The following ERP44 variants were observed in gnomAD, a reference collection of about 807,000 sequenced individuals.
The protein encoded by ERP44 is endoplasmic reticulum protein 44.
In ERP44, 25 loss-of-function variants were observed where a neutral mutation model predicts 53.4. That is an observed-to-expected ratio of 0.47 (90% confidence interval 0.34 to 0.65). ERP44 has a LOEUF of 0.65. ERP44 is among the 30% of genes least tolerant of loss of function. ERP44 has a pLI of 0.01. For missense variants in ERP44, 338 were observed against 493.2 expected (o/e 0.69, Z 2.98); for synonymous variants, 145 against 161.2 (o/e 0.90, Z 0.76).
intron 8 of ERP44, among the ~76,000 whole-genome samples, chr9:100,014,789 C>T (rs1299994709): frequency 6.6e-6 from 1 of 152,192 alleles, no homozygotes; most frequent in Non-Finnish European, 1.5e-5. Context: ...AACATACTTA[C>T]TATCTGACCC....
intron 1 of ERP44, among the ~76,000 whole-genome samples, chr9:100,063,482 C>T (rs531459008): frequency 7.6e-4 from 116 of 152,226 alleles, no homozygotes; most frequent in African/African-American, 2.5e-3. Context: ...CAGCCCTGGG[C>T]AGCAACAAGA....
chr9:100,012,996 G>A (rs1335465760), intron 8 of ERP44, among the ~76,000 whole-genome samples: 1 of 152,094 alleles, frequency 6.6e-6, no homozygotes, highest in Non-Finnish European at 1.5e-5. Context: ...AATACCCCAA[G>A]AATGCATTCT....
intron 8 of ERP44, among the ~76,000 whole-genome samples, chr9:100,010,901 CAA>C (rs200594567): frequency 1.4e-3 from 159 of 117,710 alleles, no homozygotes; most frequent in Non-Finnish European, 2.3e-3. Context: ...AACTCCATCT[CAA>C]AAAAAAAAAA....
rs980473289 is a variant in ERP44, at chr9:100,067,615, C to T, written c.58-7443G>A. ...TGCAGCCTCTGCCCGGCCGCCACCC[C>T]GTCTGGGAAGTGAGGAGCGTCTCTG... On this transcript the variant is annotated intron_variant, in intron 1 of 11. Coordinates refer to ENST00000262455, the MANE Select transcript of ERP44 (RefSeq NM_015051.3). 7.9e-5 allele frequency among the ~76,000 whole-genome samples: 12 copies of T among 152,174 alleles called. No individual in the cohort carries two copies. In the East Asian group the frequency reaches 1.7e-3, roughly 22 times the overall value.
chr9:100,021,272 CA>C (rs1830585857), intron 5 of ERP44, among the ~76,000 whole-genome samples: 1 of 152,184 alleles, frequency 6.6e-6, no homozygotes, highest in Non-Finnish European at 1.5e-5. Flanking sequence ...GTGAGTTCCC[CA>C]AGCCCAGTGT....
At chr9:100,065,486 A>AC (rs1826201639) in intron 1 of ERP44, among the ~76,000 whole-genome samples, 1 of 152,178 alleles carries the variant, frequency 6.6e-6, no homozygotes, top group Non-Finnish European at 1.5e-5. Context: ...TATTCTCACA[A>AC]CAAAAAAAAA....
intron 11 of ERP44, among the ~76,000 whole-genome samples, chr9:99,983,610 T>C (rs757424908): frequency 1.3e-5 from 2 of 150,412 alleles, no homozygotes; most frequent in Non-Finnish European, 3.0e-5. Flanking sequence ...TATTTCCAAA[T>C]TGTGACCTCA....
At chr9:100,025,804 CTG>C (rs1830644842) in intron 4 of ERP44, among the ~76,000 whole-genome samples, 1 of 151,948 alleles carries the variant, frequency 6.6e-6, no homozygotes, top group African/African-American at 2.4e-5. Flanking sequence ...TAATAAAAGA[CTG>C]TAAAGGAAGA....
At chr9:99,992,011 T>C (rs1225796801) in intron 10 of ERP44, among the ~76,000 whole-genome samples, 1 of 152,044 alleles carries the variant, frequency 6.6e-6, no homozygotes, top group African/African-American at 2.4e-5. Context: ...GCTCTGAAAT[T>C]GAGGCAATAA....
intron 1 of ERP44, among the ~76,000 whole-genome samples, chr9:100,061,553 T>C (rs980315637): frequency 2.0e-5 from 3 of 147,184 alleles, no homozygotes; most frequent in Non-Finnish European, 4.5e-5. Flanking sequence ...AACGTATATA[T>C]TTATAGAAAC....
At chr9:100,096,398 AAT>A (rs1442435258) in intron 1 of ERP44, among the ~76,000 whole-genome samples, 2 of 151,594 alleles carry the variant, frequency 1.3e-5, no homozygotes, top group Non-Finnish European at 2.9e-5. Context: ...GACGCAAATA[AAT>A]ATATATATAA....
chr9:100,090,312 G>A (rs773330041), intron 1 of ERP44, among the ~76,000 whole-genome samples: 1 of 152,170 alleles, frequency 6.6e-6, no homozygotes, highest in Non-Finnish European at 1.5e-5. Context: ...AGGATGTGCA[G>A]GTTTCTTCTC....
At chr9:99,998,786 TCTC>T in intron 10 of ERP44, 2 of 887,778 alleles carry the variant, frequency 2.3e-6, no homozygotes, top group African/African-American at 3.4e-5. Context: ...CCTCCGTTCT[TCTC>T]GCTTCTCTTC....
rs565107860 is a variant in ERP44, at chr9:100,006,228, T to C, written c.1016+278A>G. Among the ~76,000 whole-genome samples the C allele has an allele frequency of 7.9e-5, 12 of 152,334 alleles. No homozygotes were observed. The East Asian group carries it at 1.9e-3, about 24-fold the overall frequency. On this transcript the variant is annotated intron_variant, in intron 10 of 11. Transcript: ENST00000262455. The stretch of plus-strand genomic sequence containing the variant: ...TTTCTCACAAGACAAAAATTTTCTT[T>C]GAGAGATTGATTCCCAAGCATTAAT...
At chr9:100,034,493 C>T (rs188057565) in intron 4 of ERP44, among the ~76,000 whole-genome samples, 2,240 of 152,240 alleles carry the variant, frequency 0.015, 41 homozygotes, top group Middle Eastern at 0.034. Context: ...GCAGCCCTTG[C>T]GGCTGCTCTG....
chr9:100,060,272 A>C, intron 1 of ERP44, 100 bp from the exon 2 acceptor site: 1 of 1,189,464 alleles, frequency 8.4e-7, no homozygotes, highest in Non-Finnish European at 1.1e-6. Flanking sequence ...CTTGTTCCTT[A>C]GAAAATTATA....
rs561149749 is a variant in ERP44 at position 99,991,021 on chromosome 9, C to A, written c.1017-5952G>T. Among the ~76,000 whole-genome samples the A allele has an allele frequency of 2.6e-5, 4 of 150,982 alleles. No individual in the cohort carries two copies. The East Asian group carries it at 7.8e-4, about 29-fold the overall frequency. On this transcript the variant is annotated intron_variant, in intron 10 of 11. Transcript: ENST00000262455. The stretch of plus-strand genomic sequence containing the variant: ...GAGCATCCAGATTCATAAAGCAAGT[C>A]CTTAGAGACCTACAAAGAGACTTAG...
intron 10 of ERP44, among the ~76,000 whole-genome samples, chr9:99,993,332 G>T (rs1830275740): frequency 6.6e-6 from 1 of 152,178 alleles, no homozygotes; most frequent in Non-Finnish European, 1.5e-5. Flanking sequence ...CAATGGAACA[G>T]AACAGAGGCC....
intron 1 of ERP44, among the ~76,000 whole-genome samples, chr9:100,079,489 C>CA (rs1826397531): frequency 6.6e-6 from 1 of 150,986 alleles, no homozygotes; most frequent in African/African-American, 2.4e-5. Context: ...TCTAGAGAAC[C>CA]CTAATACAAA....
Sources: gnomAD v4.1 joint callset for allele counts (sites outside exome capture counted in the v4.1 genomes callset) on GRCh38, gnomAD v4.1.1 for gene constraint, MANE v1.5 for transcripts, NCBI Gene and HGNC (gene_info 2026-07-23, HGNC 2026-07-21) for gene names.